Variants in CYSLTR1 observed in about 807,000 individuals in gnomAD.
CYSLTR1 encodes G-protein coupled receptor HG55.
A neutral mutation model predicts 2.1 loss-of-function variants in CYSLTR1; 1 was observed. The observed-to-expected ratio is 0.48, with a 90% CI of 0.17 to 2.28. The LOEUF (loss-of-function observed/expected upper bound fraction) is 2.28. Ranked by LOEUF, CYSLTR1 falls within the 30% of genes most tolerant of loss-of-function variation. CYSLTR1 has a pLI of 0.26. For synonymous variants in CYSLTR1, 110 were observed against 89.6 expected (o/e 1.23, Z -1.28); for missense variants, 299 against 250.1 (o/e 1.20, Z -1.32).
At chrX:78,298,228 A>G (rs1922660144) in intron 1 of CYSLTR1, among the ~76,000 whole-genome samples, 1 of 111,750 alleles carries the variant, frequency 8.9e-6, no homozygotes, top group African/African-American at 3.2e-5. Flanking sequence ...TCCATTGTGG[A>G]CAGAGAAGAT....
intron 1 of CYSLTR1, among the ~76,000 whole-genome samples, chrX:78,286,278 C>T (rs1364558930): frequency 9.1e-6 from 1 of 110,016 alleles, no homozygotes; most frequent in Non-Finnish European, 1.9e-5. Context: ...GACCACTCTA[C>T]AAAAAATAAA....
At position 78,273,764 on chromosome X, in the gene CYSLTR1, T is replaced by C. The variant is rs758618109; in HGVS notation, c.-18A>G. The C allele has an allele frequency of 8.6e-7, 1 of 1,167,993 alleles. No individual in the cohort carries two copies. Among genetic ancestry groups the C allele is most frequent in the South Asian group, 2.0e-5 (1 of 49,464 alleles). ...TCATCCATGTTTCTCTACGAATGTC[T>C]GCTTTGTGCCTATAATAAATAAAAA... On this transcript the variant is annotated 5_prime_UTR_variant, in exon 3 of 3. Transcript: ENST00000373304.
intron 1 of CYSLTR1, among the ~76,000 whole-genome samples, chrX:78,295,018 AC>A (rs1353573854): frequency 1.8e-5 from 2 of 112,104 alleles, no homozygotes; most frequent in Non-Finnish European, 3.8e-5. Context: ...ATGAGATGAA[AC>A]AGGTACTTCA....
intron 1 of CYSLTR1, among the ~76,000 whole-genome samples, chrX:78,326,348 T>C (rs1923859222): frequency 8.9e-6 from 1 of 112,234 alleles, no homozygotes; most frequent in Non-Finnish European, 1.9e-5. Context: ...ATTGTAAAAA[T>C]ATAAATATTT....
At chrX:78,291,359 C>G (rs748376986) in intron 1 of CYSLTR1, among the ~76,000 whole-genome samples, 3 of 111,430 alleles carry the variant, frequency 2.7e-5, no homozygotes, top group African/African-American at 9.8e-5. Flanking sequence ...TTTAGTTTGC[C>G]AGTATTTTAT....
intron 2 of CYSLTR1, among the ~76,000 whole-genome samples, chrX:78,274,116 T>C (rs1024611112): frequency 8.9e-6 from 1 of 111,777 alleles, no homozygotes; most frequent in East Asian, 2.8e-4. Flanking sequence ...GTTTTTCTAT[T>C]AGAGAAAAGC....
intron 2 of CYSLTR1, among the ~76,000 whole-genome samples, chrX:78,282,372 T>C (rs981886822): frequency 2.7e-5 from 3 of 112,387 alleles, no homozygotes; most frequent in African/African-American, 9.7e-5. Context: ...GCCTAGCACA[T>C]ATGTATCTTG....
At chrX:78,288,294 T>C (rs914102594) in intron 1 of CYSLTR1, among the ~76,000 whole-genome samples, 1 of 111,864 alleles carries the variant, frequency 8.9e-6, no homozygotes, top group Non-Finnish European at 1.9e-5. Context: ...TTATATACTA[T>C]CGTGCTAAGT....
intron 1 of CYSLTR1, among the ~76,000 whole-genome samples, chrX:78,289,565 G>A (rs1030267840): frequency 1.3e-4 from 15 of 111,648 alleles, no homozygotes; most frequent in African/African-American, 4.9e-4. Flanking sequence ...TTGAACTAAA[G>A]TACACTCCCA....
intron 1 of CYSLTR1, among the ~76,000 whole-genome samples, chrX:78,316,093 G>A (rs1360652866): frequency 1.8e-5 from 2 of 112,413 alleles, no homozygotes; most frequent in Non-Finnish European, 3.8e-5. Context: ...TAAGGGAAGA[G>A]AACAAGAATC....
chrX:78,292,767 T>G lies in CYSLTR1; in HGVS notation c.-114-9227A>C, dbSNP rs138758623. Among the ~76,000 whole-genome samples, 922 of 110,659 alleles carry G rather than the reference T, an allele frequency of 8.3e-3. 9 individuals carry two copies. Among genetic ancestry groups the G allele is most frequent in the Middle Eastern group, 0.019 (4 of 216 alleles). On this transcript the variant is annotated intron_variant, in intron 1 of 2. Transcript: ENST00000373304. ...TGATCTTTGTTGGTTTAAAGTCTGT[T>G]TTATCAGAAACTAGGATTGCAACCC... is the stretch of plus-strand genomic sequence containing the variant.
At chrX:78,281,129 G>T (rs1377913465) in intron 2 of CYSLTR1, among the ~76,000 whole-genome samples, 1 of 111,091 alleles carries the variant, frequency 9.0e-6, no homozygotes, top group African/African-American at 3.3e-5. Flanking sequence ...TGGAATGATA[G>T]TTCTATTTTT....
chrX:78,311,153 C>T (rs181097175), intron 1 of CYSLTR1, among the ~76,000 whole-genome samples: 2 of 110,637 alleles, frequency 1.8e-5, no homozygotes, highest in East Asian at 5.7e-4. Flanking sequence ...AAATAAGAGA[C>T]AATATTATCT....
rs1304498323 is a variant in CYSLTR1 at position 78,272,620 on chromosome X, A to C, written c.*113T>G. On this transcript the variant is annotated 3_prime_UTR_variant, in exon 3 of 3. Transcript: ENST00000373304. ...ATGAGATAGAGTTGTAGGCCCAAAT[A>C]GTTAAGTATTTGTAAAATATTAAGT... The C allele has an allele frequency of 2.0e-5, 15 of 739,094 alleles. No individual in the cohort carries two copies. Among genetic ancestry groups the C allele is most frequent in the Non-Finnish European group, 2.4e-5 (13 of 539,792 alleles). 60.9% of individuals were successfully genotyped at this position (739,094 alleles called of 1,213,427 possible). A position where few individuals can be genotyped will look rare whatever the true frequency, so the allele number is the denominator to read the frequency against.
chrX:78,273,231 C>A lies in CYSLTR1; in HGVS notation c.516G>T (p.Lys172Asn). Residue 172 changes from lysine to asparagine, a missense_variant, in exon 3 of 3, where the codon AAG (lysine) becomes AAT (asparagine). Physicochemically the swap from Lys to Asn is moderately conservative, Grantham distance 94 (BLOSUM62 0). Transcript: ENST00000373304. Reference protein sequence around the residue: ...KPQKDEKNNTKCFEPPQDNQT... With the variant: ...KPQKDEKNNTNCFEPPQDNQT... ...GATTGTCTTGTGGGGGCTCAAAGCA[C>A]TTGGTATTATTTTTCTCATCTTTTT... is the stretch of plus-strand genomic sequence containing the variant. 8.3e-7 allele frequency: 1 copy of A among 1,210,727 alleles called. No homozygotes were observed. The highest frequency in any genetic ancestry group is 1.1e-6 in the Non-Finnish European group (1 of 895,180).
chrX:78,312,613 T>C (rs772233721), intron 1 of CYSLTR1, among the ~76,000 whole-genome samples: 2 of 111,487 alleles, frequency 1.8e-5, no homozygotes, highest in South Asian at 7.3e-4. Context: ...ATAAGGAACA[T>C]AAATCAACAA....
chrX:78,273,345 C>A lies in CYSLTR1; in HGVS notation c.402G>T (p.Leu134Phe). Residue 134 changes from leucine (L) to phenylalanine (F), a missense_variant, in exon 3 of 3, where the codon TTG (leucine) becomes TTT (phenylalanine). Physicochemically the swap from Leu to Phe is conservative, Grantham distance 22. Transcript: ENST00000373304. The part of the protein sequence containing the change: ...AIVFPVQNIN[L>F]VTQKKARFVC... ...CAAACCTGGCTTTTTTCTGTGTAAC[C>A]AAATTAATGTTCTGGACTGGAAAAA... 1.7e-6 allele frequency: 2 copies of A among 1,211,004 alleles called. No homozygotes were observed. Among genetic ancestry groups the A allele is most frequent in the South Asian group, 1.8e-5 (1 of 56,920 alleles).
chrX:78,296,236 T>G (rs1922567894), intron 1 of CYSLTR1, among the ~76,000 whole-genome samples: 1 of 111,851 alleles, frequency 8.9e-6, no homozygotes, highest in African/African-American at 3.2e-5. Flanking sequence ...CTGGGTTCTC[T>G]ATTCTGTTCC....
chrX:78,285,134 G>A (rs1231092438), intron 1 of CYSLTR1, among the ~76,000 whole-genome samples: 1 of 111,572 alleles, frequency 9.0e-6, no homozygotes, highest in Non-Finnish European at 1.9e-5. Flanking sequence ...AATGTTGAAT[G>A]TATAAAAATC....
Sources: gnomAD v4.1 joint callset for allele counts (sites outside exome capture counted in the v4.1 genomes callset) on GRCh38, gnomAD v4.1.1 for gene constraint, MANE v1.5 for transcripts, NCBI Gene and HGNC (gene_info 2026-07-23, HGNC 2026-07-21) for gene names.